The following IPCEF1 variants were observed in gnomAD, a reference collection of about 807,000 sequenced individuals.
The protein encoded by IPCEF1 is interaction protein for cytohesin exchange factors 1, also known as interactor protein for cytohesin exchange factors 1.
Under a neutral mutation model 50.9 loss-of-function variants are expected in IPCEF1, and 31 were observed. The observed-to-expected ratio is 0.61, with a 90% CI of 0.46 to 0.82. The LOEUF is 0.82. Ranked by LOEUF, IPCEF1 falls within the 40% of genes least tolerant of loss-of-function variation. The pLI is 0.00. For synonymous variants in IPCEF1, 181 were observed against 192.0 expected (o/e 0.94, Z 0.47); for missense variants, 458 against 514.0 (o/e 0.89, Z 1.05).
rs1317772742 is a variant in IPCEF1 at position 154,155,990 on chromosome 6, A to G, written c.*3838T>C. ...AAAGCAATTAAGAGAAGAAGGTCAA[A>G]GGACCAACCTCTAATCACTAAGTTT... is the stretch of plus-strand genomic sequence containing the variant. On this transcript the variant is annotated 3_prime_UTR_variant, in exon 12 of 12. Coordinates refer to ENST00000367220, the MANE Select transcript of IPCEF1 (RefSeq NM_001130700.2). The G allele has an allele frequency of 6.6e-6, 1 of 152,252 alleles. No individual in the cohort carries two copies. Among genetic ancestry groups the G allele is most frequent in the Non-Finnish European group, 1.5e-5 (1 of 68,038 alleles). The allele number at this position is 152,252 out of a possible 1,614,324, so 9.4% of individuals were successfully genotyped here. A position where few individuals can be genotyped will look rare whatever the true frequency, so the allele number is the denominator to read the frequency against.
At chr6:154,256,997 T>C (rs1781478067) in intron 3 of IPCEF1, among the ~76,000 whole-genome samples, 1 of 152,238 alleles carries the variant, frequency 6.6e-6, no homozygotes. Context: ...TGCTAAGCTA[T>C]GATGTTCAGT....
At chr6:154,264,010 C>CA (rs985997877) in intron 3 of IPCEF1, among the ~76,000 whole-genome samples, 3 of 150,850 alleles carry the variant, frequency 2.0e-5, no homozygotes, top group Non-Finnish European at 4.4e-5. Context: ...GGCTGACCCC[C>CA]CCCACCTCCC....
intron 5 of IPCEF1, among the ~76,000 whole-genome samples, chr6:154,223,524 G>A (rs1490009861): frequency 1.3e-5 from 2 of 148,838 alleles, no homozygotes; most frequent in Non-Finnish European, 3.0e-5. Flanking sequence ...TGTCTCCACC[G>A]GCCTCCTGTC....
At chr6:154,170,078 T>C (rs1401067591) in intron 10 of IPCEF1, among the ~76,000 whole-genome samples, 2 of 152,188 alleles carry the variant, frequency 1.3e-5, no homozygotes, top group Admixed American at 6.5e-5. Context: ...TCCAATCATA[T>C]GCACCTGGAA....
At chr6:154,333,733 G>T (rs1783727386) in intron 1 of IPCEF1, among the ~76,000 whole-genome samples, 2 of 151,358 alleles carry the variant, frequency 1.3e-5, no homozygotes, top group African/African-American at 4.9e-5. Context: ...GTATATATGT[G>T]TATGTATATA....
At chr6:154,236,063 C>A (rs1780105898) in intron 5 of IPCEF1, among the ~76,000 whole-genome samples, 1 of 152,158 alleles carries the variant, frequency 6.6e-6, no homozygotes. Context: ...AGGTATAAAA[C>A]CAAGGGAATT....
chr6:154,325,226 A>T (rs1783490377), intron 1 of IPCEF1, among the ~76,000 whole-genome samples: 1 of 152,228 alleles, frequency 6.6e-6, no homozygotes, highest in Non-Finnish European at 1.5e-5. Flanking sequence ...AAAAAATCAA[A>T]ACATAGAACA....
At chr6:154,343,139 A>T (rs1337331739) in intron 1 of IPCEF1, among the ~76,000 whole-genome samples, 1 of 152,178 alleles carries the variant, frequency 6.6e-6, no homozygotes, top group Non-Finnish European at 1.5e-5. Flanking sequence ...TAGAGAAAAC[A>T]GCCACAGGTG....
chr6:154,322,520 A>AAAGAAGAGG (rs1783409850), intron 1 of IPCEF1, among the ~76,000 whole-genome samples: 1 of 152,114 alleles, frequency 6.6e-6, no homozygotes, highest in African/African-American at 2.4e-5. Context: ...AAGACCTGGA[A>AAAGAAGAGG]AAGAAGAGGT....
chr6:154,221,588 G>C (rs920381959), intron 6 of IPCEF1, among the ~76,000 whole-genome samples: 4 of 152,074 alleles, frequency 2.6e-5, no homozygotes, highest in Non-Finnish European at 5.9e-5. Flanking sequence ...AAACATATAG[G>C]TATGGCCGGG....
chr6:154,283,818 C>G (rs1368733304), intron 2 of IPCEF1, among the ~76,000 whole-genome samples: 1 of 152,110 alleles, frequency 6.6e-6, no homozygotes, highest in African/African-American at 2.4e-5. Flanking sequence ...CTGTATCCAA[C>G]CAAACATACA....
intron 2 of IPCEF1, among the ~76,000 whole-genome samples, chr6:154,273,487 G>C (rs1375535548): frequency 6.6e-6 from 1 of 152,086 alleles, no homozygotes; most frequent in Non-Finnish European, 1.5e-5. Flanking sequence ...ACATATAAAA[G>C]CAAAGGACAT....
chr6:154,220,728 A>G (rs1778799066), intron 7 of IPCEF1, among the ~76,000 whole-genome samples: 1 of 152,184 alleles, frequency 6.6e-6, no homozygotes, highest in African/African-American at 2.4e-5. Flanking sequence ...TGTACTCTGC[A>G]CACAGCCCAC....
intron 10 of IPCEF1, among the ~76,000 whole-genome samples, chr6:154,169,603 T>C (rs1397998790): frequency 1.3e-5 from 2 of 152,220 alleles, no homozygotes; most frequent in East Asian, 3.8e-4. Context: ...AGAAGAAACC[T>C]GTCTGTGGTC....
At chr6:154,313,091 G>A (rs1260466797) in intron 1 of IPCEF1, among the ~76,000 whole-genome samples, 1 of 59,074 alleles carries the variant, frequency 1.7e-5, no homozygotes, top group Admixed American at 1.6e-4. Context: ...AAAAAACATG[G>A]CCGGGCACAG....
At chr6:154,246,522 G>C in intron 5 of IPCEF1, 69 bp downstream of exon 5, 1 of 1,483,176 alleles carries the variant, frequency 6.7e-7, no homozygotes, top group South Asian at 1.3e-5. Flanking sequence ...TTCCCATAGG[G>C]ATCACCTGAT....
intron 9 of IPCEF1, among the ~76,000 whole-genome samples, chr6:154,207,377 G>C (rs556947477): frequency 6.6e-6 from 1 of 152,264 alleles, no homozygotes; most frequent in South Asian, 2.1e-4. Flanking sequence ...CCTTTTTCTT[G>C]TATATATAGT....
At chr6:154,296,629 A>G (rs1253341872) in intron 1 of IPCEF1, among the ~76,000 whole-genome samples, 2 of 152,096 alleles carry the variant, frequency 1.3e-5, no homozygotes, top group Non-Finnish European at 1.5e-5. Context: ...GGAGATCAAG[A>G]CCATCCTGGC....
intron 5 of IPCEF1, among the ~76,000 whole-genome samples, chr6:154,227,954 G>A (rs910290627): frequency 6.1e-5 from 9 of 148,456 alleles, no homozygotes; most frequent in African/African-American, 2.2e-4. Flanking sequence ...CAGATAATTT[G>A]TGTCAAAAAA....
Sources: gnomAD v4.1 joint callset for allele counts (sites outside exome capture counted in the v4.1 genomes callset) on GRCh38, gnomAD v4.1.1 for gene constraint, MANE v1.5 for transcripts, NCBI Gene and HGNC (gene_info 2026-07-23, HGNC 2026-07-21) for gene names.